PTPRB: variants seen among roughly 807,000 people sequenced by gnomAD.
PTPRB encodes the protein receptor-type tyrosine-protein phosphatase beta.
In PTPRB, 97 loss-of-function variants were observed where a neutral mutation model predicts 238.1. The observed-to-expected ratio is 0.41, with a 90% CI of 0.35 to 0.48. PTPRB has a LOEUF of 0.48. Ranked by LOEUF, PTPRB falls within the 20% of genes least tolerant of loss-of-function variation. The pLI, the probability that PTPRB is intolerant of heterozygous loss-of-function variation, is 0.30. For synonymous variants in PTPRB, 970 were observed against 995.4 expected (o/e 0.97, Z 0.48); for missense variants, 2,292 against 2,681.9 (o/e 0.85, Z 3.21).
chr12:70,537,508 G>A, intron 28 of PTPRB, among the ~76,000 whole-genome samples: 1 of 152,104 alleles, frequency 6.6e-6, no homozygotes, highest in East Asian at 1.9e-4. Context: ...TCCCATGCCT[G>A]TAAACAGCTC....
At chr12:70,531,493 A>T (rs182954864) in intron 32 of PTPRB, among the ~76,000 whole-genome samples, 61 of 152,294 alleles carry the variant, frequency 4.0e-4, no homozygotes, top group African/African-American at 1.4e-3. Flanking sequence ...AGGTTTCTCT[A>T]GAATAGTGGC....
chr12:70,532,181 T>C lies in PTPRB; in HGVS notation c.6369-11A>G. On this transcript the variant is annotated splice_polypyrimidine_tract_variant and intron_variant, in intron 31 of 33. Transcript: ENST00000334414. ...CTACCCACACCAGCACTAGAAGAGATGGCAAAGGAAGATTGAGCCTTTTTA... is the reference window on the plus strand; with the variant it reads ...CTACCCACACCAGCACTAGAAGAGACGGCAAAGGAAGATTGAGCCTTTTTA... 1 of 1,567,080 alleles carries C rather than the reference T, an allele frequency of 6.4e-7. No individual in the cohort carries two copies. Among genetic ancestry groups the C allele is most frequent in the Non-Finnish European group, 8.6e-7 (1 of 1,158,736 alleles).
intron 11 of PTPRB, among the ~76,000 whole-genome samples, chr12:70,573,510 T>TC (rs1555229475): frequency 2.9e-5 from 4 of 138,594 alleles, no homozygotes; most frequent in African/African-American, 1.3e-4. Flanking sequence ...CTTTTCTTTT[T>TC]TTTTTTTTTT....
rs1883513703 is a variant in PTPRB at position 70,601,786 on chromosome 12, T to C, written c.980-5459A>G. Among the ~76,000 whole-genome samples, 3 of 143,054 alleles carry C rather than the reference T, an allele frequency of 2.1e-5. No individual in the cohort carries two copies. The Admixed American group carries it at 2.2e-4, about 10-fold the overall frequency. 93.8% of individuals were successfully genotyped at this position (143,054 alleles called of 152,430 possible). On this transcript the variant is annotated intron_variant, in intron 4 of 33. Transcript: ENST00000334414. ...TAGAGAGGTAATTTCTTTTTTTCTT[T>C]TTTCTTTTTTTTTTTTTTTTTTTGA...
chr12:70,538,173 G>C lies in PTPRB; in HGVS notation c.5928C>G (p.Ile1976Met). 6.2e-7 allele frequency: 1 copy of C among 1,613,670 alleles called. No homozygotes were observed. The highest frequency in any genetic ancestry group is 8.5e-7 in the Non-Finnish European group (1 of 1,179,708). Residue 1976 changes from isoleucine to methionine, a missense_variant, in exon 28 of 34, where the codon ATC (isoleucine) becomes ATG (methionine). Transcript: ENST00000334414. ...NVDDDPCSDY[I>M]NASYIPGNNF... is the part of the protein sequence containing the mutation. The stretch of plus-strand genomic sequence containing the variant: ...CACTTACAGGGATGTAGCTGGCATT[G>C]ATGTAGTCAGAGCAAGGATCATCAT...
At chr12:70,538,006 C>A in intron 28 of PTPRB, 149 bp downstream of exon 28, 1 of 557,672 alleles carries the variant, frequency 1.8e-6, no homozygotes, top group South Asian at 2.7e-5. Context: ...TTGGATACCC[C>A]ATTTTTTTTA....
chr12:70,522,504 A>G (rs1175247069), intron 33 of PTPRB: 3 of 152,222 alleles, frequency 2.0e-5, no homozygotes, highest in Admixed American at 1.3e-4. Flanking sequence ...AACTAATACA[A>G]TCCTCCTTCA....
chr12:70,619,157 A>AGTGT (rs3049143), intron 3 of PTPRB, among the ~76,000 whole-genome samples: 22,665 of 142,010 alleles, frequency 0.16, 1,987 homozygotes, highest in African/African-American at 0.24. Flanking sequence ...TGTTTAGGGG[A>AGTGT]GTGTGTGTGT....
chr12:70,637,286 C>A, intron 1 of PTPRB, 55 bp downstream of exon 1: 1 of 1,499,914 alleles, frequency 6.7e-7, no homozygotes, highest in Non-Finnish European at 9.2e-7. Flanking sequence ...AGACCAGGGA[C>A]TCCTTGGCTA....
rs554596117 is a variant in PTPRB at position 70,601,220 on chromosome 12, C to G, written c.980-4893G>C. Among the ~76,000 whole-genome samples, 82 of 152,038 alleles carry G rather than the reference C, an allele frequency of 5.4e-4. 1 individual carries two copies. The South Asian group carries it at 7.7e-3, about 14-fold the overall frequency. The stretch of plus-strand genomic sequence containing the variant: ...GTTTCGCCATGTTGCCCCAGCTGGT[C>G]TCAAACTCCTGAGCTCACATGATCC... On this transcript the variant is annotated intron_variant, in intron 4 of 33. Transcript: ENST00000334414.
intron 3 of PTPRB, among the ~76,000 whole-genome samples, chr12:70,610,774 T>C (rs1454696609): frequency 6.6e-6 from 1 of 152,104 alleles, no homozygotes; most frequent in Non-Finnish European, 1.5e-5. Context: ...CAGCTAACAG[T>C]TTTATCATCC....
intron 21 of PTPRB, among the ~76,000 whole-genome samples, chr12:70,550,960 A>G (rs909457044): frequency 6.6e-6 from 1 of 151,618 alleles, no homozygotes; most frequent in African/African-American, 2.4e-5. Flanking sequence ...CAGTGGCATG[A>G]TCTCAGCTTA....
intron 2 of PTPRB, among the ~76,000 whole-genome samples, chr12:70,630,641 A>C (rs1416707824): frequency 6.6e-6 from 1 of 152,258 alleles, no homozygotes; most frequent in Non-Finnish European, 1.5e-5. Context: ...CCCTGTTTGC[A>C]GATGACATGA....
Position 70,566,415 on chromosome 12 carries a change from CATT to C in PTPRB, c.3904+17_3904+19del. On this transcript the variant is annotated intron_variant, in intron 15 of 33. Coordinates refer to ENST00000334414, the MANE Select transcript of PTPRB (RefSeq NM_001109754.4). ...GACATTGGCAATATGTGCTACAAAA[CATT>C]ATGCTGTGCTAATTACCTGTTCGGC... The C allele has an allele frequency of 1.2e-6, 2 of 1,611,196 alleles. No individual in the cohort carries two copies. The highest frequency in any genetic ancestry group is 1.7e-6 in the Non-Finnish European group (2 of 1,178,346).
intron 33 of PTPRB, among the ~76,000 whole-genome samples, chr12:70,523,169 T>C (rs955239873): frequency 2.6e-5 from 4 of 152,116 alleles, no homozygotes; most frequent in African/African-American, 9.7e-5. Context: ...ACCTGTTTGT[T>C]TTTTGAGATA....
chr12:70,606,899 C>T (rs148993881), intron 4 of PTPRB, among the ~76,000 whole-genome samples: 1 of 152,254 alleles, frequency 6.6e-6, no homozygotes, highest in East Asian at 1.9e-4. Flanking sequence ...GGAAATTTAT[C>T]ATTATGCAAA....
chr12:70,525,940 C>CAGATAGAT (rs142857574), intron 32 of PTPRB, among the ~76,000 whole-genome samples: 2 of 152,116 alleles, frequency 1.3e-5, no homozygotes, highest in Non-Finnish European at 2.9e-5. Flanking sequence ...TGATGTCAGA[C>CAGATAGAT]AGATAGATAT....
intron 11 of PTPRB, among the ~76,000 whole-genome samples, chr12:70,573,505 CTTTTTTTTTT>C (rs937307862): frequency 2.2e-5 from 2 of 90,824 alleles, no homozygotes; most frequent in African/African-American, 4.1e-5. Flanking sequence ...CTTTTCTTTT[CTTTTTTTTTT>C]TTTTTTTTTG....
At chr12:70,539,142 TCA>T in intron 26 of PTPRB, 128 bp from the exon 27 acceptor site, 2 of 741,832 alleles carry the variant, frequency 2.7e-6, no homozygotes, top group Non-Finnish European at 4.6e-6. Flanking sequence ...TGCCTAGTAC[TCA>T]ACATGCATTA....
Sources: gnomAD v4.1 joint callset for allele counts (sites outside exome capture counted in the v4.1 genomes callset) on GRCh38, gnomAD v4.1.1 for gene constraint, MANE v1.5 for transcripts, NCBI Gene and HGNC (gene_info 2026-07-23, HGNC 2026-07-21) for gene names.